ASTN2: variants seen among roughly 807,000 people sequenced by gnomAD.
ASTN2 encodes the protein astrotactin-2.
A neutral mutation model predicts 139.8 loss-of-function variants in ASTN2; 54 were observed. That is an observed-to-expected ratio of 0.39 (90% confidence interval 0.31 to 0.48). The LOEUF (loss-of-function observed/expected upper bound fraction) is 0.48, where lower values mean the gene tolerates loss of function less well. Ranked by LOEUF, ASTN2 falls within the 20% of genes least tolerant of loss-of-function variation. The probability of loss-of-function intolerance (pLI) is 0.95; values close to 1 mark genes in which losing one functional copy is unlikely to be tolerated. For synonymous variants in ASTN2, 756 were observed against 719.5 expected, an observed-to-expected ratio of 1.05 and a Z score of -0.81; for missense variants, 1,565 against 1,725.1, an observed-to-expected ratio of 0.91 and a Z score of 1.64.
intron 3 of ASTN2, among the ~76,000 whole-genome samples, chr9:117,186,873 G>A (rs1206103941): frequency 6.6e-6 from 1 of 152,242 alleles, no homozygotes; most frequent in Non-Finnish European, 1.5e-5. Context: ...GCTCACGCCT[G>A]TAATCCTAGC....
chr9:117,364,214 C>T (rs1353366992), intron 1 of ASTN2, among the ~76,000 whole-genome samples: 1 of 152,156 alleles, frequency 6.6e-6, no homozygotes, highest in East Asian at 1.9e-4. Context: ...CCTCTGATAA[C>T]TTAGAAAATT....
intron 7 of ASTN2, among the ~76,000 whole-genome samples, chr9:116,989,623 A>C: frequency 7.5e-6 from 1 of 132,936 alleles, no homozygotes; most frequent in Non-Finnish European, 1.6e-5. Context: ...TGCTTTTGTC[A>C]CCCAGATTGG....
intron 1 of ASTN2, among the ~76,000 whole-genome samples, chr9:117,338,182 A>G (rs1427149440): frequency 1.3e-5 from 2 of 152,190 alleles, no homozygotes; most frequent in Non-Finnish European, 2.9e-5. Flanking sequence ...CTAGTCTTCT[A>G]TGCAGCATCT....
At chr9:116,825,835 A>T (rs1442519321) in intron 11 of ASTN2, among the ~76,000 whole-genome samples, 4 of 152,250 alleles carry the variant, frequency 2.6e-5, no homozygotes, top group Non-Finnish European at 5.9e-5. Flanking sequence ...ATAAAATCCC[A>T]CAGGCATCTG....
intron 6 of ASTN2, among the ~76,000 whole-genome samples, chr9:117,025,013 G>T (rs1274493854): frequency 6.6e-6 from 1 of 152,094 alleles, no homozygotes; most frequent in Non-Finnish European, 1.5e-5. Context: ...CTTCTGCCAT[G>T]ATTGTGAGGC....
chr9:117,365,415 C>T (rs1829817304), intron 1 of ASTN2, among the ~76,000 whole-genome samples: 1 of 152,144 alleles, frequency 6.6e-6, no homozygotes, highest in Admixed American at 6.6e-5. Context: ...TCAGGTTTCA[C>T]TCATGCTATA....
Position 117,039,983 on chromosome 9 carries a change from C to CA in ASTN2, c.1277-19dup, listed in dbSNP as rs771762846. On this transcript the variant is annotated intron_variant, in intron 5 of 22. Coordinates refer to ENST00000313400, the MANE Select transcript of ASTN2 (RefSeq NM_001365068.1). ...CAGCAAACCTGGTAACAAGAACATA[C>CA]ACAAAGACACAAAATTCCATGAGGT... 6.3e-7 allele frequency: 1 copy of CA among 1,586,584 alleles called. No homozygotes were observed. The highest frequency in any genetic ancestry group is 1.7e-5 in the Admixed American group (1 of 57,686).
chr9:116,837,487 C>A (rs115586599), intron 11 of ASTN2, among the ~76,000 whole-genome samples: 1 of 152,148 alleles, frequency 6.6e-6, no homozygotes, highest in African/African-American at 2.4e-5. Flanking sequence ...TGGGCTCCCC[C>A]GAGCTTCTTC....
chr9:117,108,606 T>G (rs778821929), intron 4 of ASTN2, among the ~76,000 whole-genome samples: 1 of 152,248 alleles, frequency 6.6e-6, no homozygotes, highest in South Asian at 2.1e-4. Flanking sequence ...AATAAACACA[T>G]GCAGAAATTA....
At chr9:116,461,756 A>G (rs959282554) in intron 20 of ASTN2, among the ~76,000 whole-genome samples, 1 of 152,110 alleles carries the variant, frequency 6.6e-6, no homozygotes, top group East Asian at 1.9e-4. Flanking sequence ...CTTCCTGCCA[A>G]CCTGTAGTAG....
At chr9:116,443,900 T>C (rs1847910267) in intron 20 of ASTN2, among the ~76,000 whole-genome samples, 1 of 152,106 alleles carries the variant, frequency 6.6e-6, no homozygotes, top group Non-Finnish European at 1.5e-5. Context: ...TGTTATAAAA[T>C]ACGAAAAACA....
chr9:116,502,719 G>A (rs1849919078), intron 19 of ASTN2, among the ~76,000 whole-genome samples: 2 of 40,098 alleles, frequency 5.0e-5, no homozygotes, highest in African/African-American at 1.9e-4. Flanking sequence ...AGGAAGGAAG[G>A]AAGGAAGGAA....
chr9:117,129,868 T>G (rs1829788014), intron 4 of ASTN2, among the ~76,000 whole-genome samples: 1 of 152,222 alleles, frequency 6.6e-6, no homozygotes, highest in Non-Finnish European at 1.5e-5. Context: ...TTTTGCCATA[T>G]GATTCCATTT....
At chr9:116,849,483 G>T (rs187393274) in intron 11 of ASTN2, among the ~76,000 whole-genome samples, 1 of 152,242 alleles carries the variant, frequency 6.6e-6, no homozygotes, top group Admixed American at 6.5e-5. Context: ...CCCAGAAACA[G>T]GGATAAACAC....
At chr9:116,836,732 G>T (rs1449530919) in intron 11 of ASTN2, among the ~76,000 whole-genome samples, 1 of 151,984 alleles carries the variant, frequency 6.6e-6, no homozygotes, top group African/African-American at 2.4e-5. Flanking sequence ...GGTCCCAAAG[G>T]CTTCAGCTGG....
chr9:117,269,183 G>T (rs1834004457), intron 2 of ASTN2, among the ~76,000 whole-genome samples: 1 of 152,136 alleles, frequency 6.6e-6, no homozygotes, highest in Non-Finnish European at 1.5e-5. Context: ...AGAATCCAAG[G>T]TGCTTACATT....
rs1216315675 is a variant in ASTN2, at chr9:116,425,959, C to T, written c.3912G>A (p.Arg1304=). ...PYLFCRSEEV[R]PAGMVWYSIL... is the part of the protein sequence containing the mutation. ...TGCTATACCACACCATGCCTGCAGG[C>T]CGGACCTCCTCGCTGCGGCAGAAAA... Residue 1304 remains arginine (R), a synonymous_variant, in exon 23 of 23, where the codon CGG becomes CGA. Transcript: ENST00000313400. 1.9e-6 allele frequency: 3 copies of T among 1,614,172 alleles called. No homozygotes were observed. The East Asian group carries it at 6.7e-5, about 36-fold the overall frequency.
At chr9:116,691,830 G>A (rs1025447318) in intron 16 of ASTN2, among the ~76,000 whole-genome samples, 2 of 152,152 alleles carry the variant, frequency 1.3e-5, no homozygotes, top group South Asian at 4.1e-4. Context: ...TTAGCATTCT[G>A]TTAGAATGCA....
chr9:116,987,217 T>G (rs1287814042), intron 7 of ASTN2, among the ~76,000 whole-genome samples: 6 of 152,220 alleles, frequency 3.9e-5, no homozygotes, highest in Non-Finnish European at 7.3e-5. Flanking sequence ...GGTGATTGGA[T>G]TATGGAGACA....
Sources: gnomAD v4.1 joint callset for allele counts (sites outside exome capture counted in the v4.1 genomes callset) on GRCh38, gnomAD v4.1.1 for gene constraint, MANE v1.5 for transcripts, NCBI Gene and HGNC (gene_info 2026-07-23, HGNC 2026-07-21) for gene names.